The following BANP variants were observed in gnomAD, a reference collection of about 807,000 sequenced individuals.
The protein encoded by BANP is protein BANP.
A neutral mutation model predicts 68.1 loss-of-function variants in BANP; 11 were observed. That is an observed-to-expected ratio of 0.16 (90% CI 0.10 to 0.27). The LOEUF is 0.27. Among genes scored for constraint, BANP ranks in the 10% least tolerant of loss-of-function variants. The pLI, the probability that BANP is intolerant of heterozygous loss-of-function variation, is 1.00. For missense variants in BANP, 504 were observed against 722.7 expected (o/e 0.70, Z 3.47); for synonymous variants, 329 against 303.2 (o/e 1.09, Z -0.88).
At chr16:88,041,480 GCTGT>G (rs2080778989) in intron 11 of BANP, among the ~76,000 whole-genome samples, 1 of 152,218 alleles carries the variant, frequency 6.6e-6, no homozygotes, top group Non-Finnish European at 1.5e-5. Flanking sequence ...GTTGCCATTT[GCTGT>G]CTGAGTAGAA....
chr16:88,036,182 G>A lies in BANP; in HGVS notation c.1272+788G>A, dbSNP rs930755477. On this transcript the variant is annotated intron_variant, in intron 10 of 13. Coordinates refer to ENST00000682872, the MANE Select transcript of BANP (RefSeq NM_001386991.1). The surrounding 1 kb of genome is among the most constrained non-coding windows in gnomAD (Gnocchi z 4.2). Reference sequence around the variant, plus strand: ...ACACGTGTTGTACTCAGTGACCGTGGTGCGCTCTGGGGGATGAGGAACATG... The same window carrying A: ...ACACGTGTTGTACTCAGTGACCGTGATGCGCTCTGGGGGATGAGGAACATG... Among the ~76,000 whole-genome samples, 2 of 152,222 alleles carry A rather than the reference G, an allele frequency of 1.3e-5. No homozygotes were observed. Among genetic ancestry groups the A allele is most frequent in the Non-Finnish European group, 2.9e-5 (2 of 68,040 alleles).
chr16:87,969,504 T>G (rs1005365920), intron 1 of BANP, among the ~76,000 whole-genome samples: 1 of 151,834 alleles, frequency 6.6e-6, no homozygotes, highest in Non-Finnish European at 1.5e-5. Context: ...TTGTTTAAAT[T>G]GTTTTAAAAA....
At chr16:87,955,552 A>T (rs922206914) in intron 1 of BANP, among the ~76,000 whole-genome samples, 4 of 152,168 alleles carry the variant, frequency 2.6e-5, no homozygotes, top group African/African-American at 9.7e-5. Flanking sequence ...TCGGTTTTGC[A>T]CCAGTGTCCT....
rs890171914 is a variant in BANP at position 87,951,444 on chromosome 16, C to T, written c.-140C>T. 3.3e-5 allele frequency: 5 copies of T among 152,044 alleles called. No homozygotes were observed. Among genetic ancestry groups the T allele is most frequent in the African/African-American group, 9.7e-5 (4 of 41,348 alleles). The allele number at this position is 152,044 out of a possible 1,614,324, so 9.4% of individuals were successfully genotyped here. ...TCGCGGCGCCTGCGCAGAGCGGCGG[C>T]TTCTCTCGCGAGGACGGACGCCATT... On this transcript the variant is annotated 5_prime_UTR_variant, in exon 1 of 14. Coordinates refer to ENST00000682872, the MANE Select transcript of BANP (RefSeq NM_001386991.1).
At chr16:88,069,291 T>C (rs1482396332) in intron 12 of BANP, among the ~76,000 whole-genome samples, 3 of 152,242 alleles carry the variant, frequency 2.0e-5, no homozygotes, top group Non-Finnish European at 4.4e-5. Flanking sequence ...ATTCAGCTCA[T>C]TGACCTGCCT....
intron 11 of BANP, among the ~76,000 whole-genome samples, chr16:88,045,872 G>A (rs898764960): frequency 3.3e-5 from 5 of 152,136 alleles, no homozygotes; most frequent in African/African-American, 9.7e-5. Context: ...TGGCAGTGTC[G>A]CTTCCTCGTA....
At chr16:88,050,301 T>C (rs1303682999) in intron 11 of BANP, among the ~76,000 whole-genome samples, 1 of 152,052 alleles carries the variant, frequency 6.6e-6, no homozygotes, top group Non-Finnish European at 1.5e-5. Context: ...GGACCACAGC[T>C]CGGGCTACCA....
chr16:88,027,728 G>A, intron 8 of BANP, 78 bp downstream of exon 8: 4 of 1,544,908 alleles, frequency 2.6e-6, no homozygotes, highest in Middle Eastern at 4.7e-4. Context: ...GGGGCAGCCA[G>A]TGCGTGGCCA....
chr16:88,061,776 C>T (rs937855497), intron 11 of BANP, among the ~76,000 whole-genome samples: 13 of 152,130 alleles, frequency 8.5e-5, no homozygotes, highest in African/African-American at 3.1e-4. Context: ...AGCAATTCTC[C>T]TGCCTCAGCC....
chr16:88,035,382 G>C lies in BANP; in HGVS notation c.1260G>C (p.Thr420=). ...CGCAGGGGGAGCAAGTCCAGATCAC[G>C]CAGGACAGCGAGGTGAGTCAGCTCT... The part of the protein sequence containing the change: ...QVPQGEQVQI[T]QDSEGNLQIH... The change falls in exon 10 of 14, where the codon ACG becomes ACC. Residue 420 remains threonine (T), a synonymous_variant. Transcript: ENST00000682872. The C allele has an allele frequency of 6.2e-7, 1 of 1,610,312 alleles. No homozygotes were observed. The highest frequency in any genetic ancestry group is 2.2e-5 in the East Asian group (1 of 44,738).
At chr16:88,048,211 G>C (rs945795174) in intron 11 of BANP, among the ~76,000 whole-genome samples, 1 of 152,224 alleles carries the variant, frequency 6.6e-6, no homozygotes, top group African/African-American at 2.4e-5. Flanking sequence ...CATTTGCTAT[G>C]GTTCTGATTA....
At chr16:88,067,059 C>T (rs2088855950) in intron 12 of BANP, among the ~76,000 whole-genome samples, 2 of 152,026 alleles carry the variant, frequency 1.3e-5, no homozygotes, top group South Asian at 4.1e-4. Flanking sequence ...AATGCACACT[C>T]GCTCTCTTTT....
In BANP at chr16:87,979,660, G is replaced by T. The variant is rs533927539; in HGVS notation, c.71-1376G>T. Among the ~76,000 whole-genome samples, 13 of 152,296 alleles carry T rather than the reference G, an allele frequency of 8.5e-5. No homozygotes were observed. In the East Asian group the frequency reaches 2.5e-3, roughly 29 times the overall value. On this transcript the variant is annotated intron_variant, in intron 2 of 13. Coordinates refer to ENST00000682872, the MANE Select transcript of BANP (RefSeq NM_001386991.1). ...GCAGATGGTGTGCCAAGGTGTGCAT[G>T]TGCTGAAGGGCATTCCCAGCGGCCA... is the stretch of plus-strand genomic sequence containing the variant.
At chr16:87,958,397 A>C (rs568533572) in intron 1 of BANP, among the ~76,000 whole-genome samples, 1 of 152,296 alleles carries the variant, frequency 6.6e-6, no homozygotes, top group African/African-American at 2.4e-5. Flanking sequence ...TGCAGTGATG[A>C]GTGTATGAAC....
intron 7 of BANP, among the ~76,000 whole-genome samples, chr16:88,022,896 C>G (rs948077532): frequency 1.3e-4 from 20 of 152,204 alleles, no homozygotes; most frequent in African/African-American, 4.8e-4. Context: ...GACCTCATTA[C>G]AACCTAATGA....
chr16:87,993,771 T>G (rs761841694), intron 4 of BANP, among the ~76,000 whole-genome samples: 43 of 152,298 alleles, frequency 2.8e-4, no homozygotes, highest in Middle Eastern at 3.4e-3. Context: ...TGCTAATTTT[T>G]TGTATTTATA....
intron 7 of BANP, among the ~76,000 whole-genome samples, chr16:88,021,373 A>G (rs545162250): frequency 1.3e-5 from 2 of 152,216 alleles, no homozygotes; most frequent in South Asian, 4.1e-4. Context: ...CCCCTTGGAG[A>G]TGCCCAGTGA....
chr16:88,053,983 A>G (rs2084178863), intron 11 of BANP, among the ~76,000 whole-genome samples: 1 of 90,604 alleles, frequency 1.1e-5, no homozygotes, highest in South Asian at 3.2e-4. Context: ...CTCCTTCACT[A>G]TCATCACCAT....
chr16:87,974,157 T>C (rs2061611836), intron 1 of BANP, among the ~76,000 whole-genome samples: 1 of 152,266 alleles, frequency 6.6e-6, no homozygotes, highest in African/African-American at 2.4e-5. Flanking sequence ...AAGTATAATC[T>C]GATAAAAACA....
Sources: gnomAD v4.1 joint callset for allele counts (sites outside exome capture counted in the v4.1 genomes callset) on GRCh38, gnomAD v4.1.1 for gene constraint, Gnocchi (gnomAD v3.1) non-coding constraint, MANE v1.5 for transcripts, NCBI Gene and HGNC (gene_info 2026-07-23, HGNC 2026-07-21) for gene names.